The following IL4I1 variants were observed in gnomAD, a reference collection of about 807,000 sequenced individuals.
The protein encoded by IL4I1 is L-amino-acid oxidase.
In IL4I1, 24 loss-of-function variants were observed where a neutral mutation model predicts 29.7. The observed-to-expected ratio is 0.81, with a 90% CI of 0.59 to 1.14. The LOEUF is 1.14. Among genes scored for constraint, IL4I1 ranks in the 50% most tolerant of loss-of-function variants. The pLI, the probability that IL4I1 is intolerant of heterozygous loss-of-function variation, is 0.00. For missense variants in IL4I1, 686 were observed against 785.6 expected, an observed-to-expected ratio of 0.87 and a Z score of 1.52; for synonymous variants, 371 against 352.5, an observed-to-expected ratio of 1.05 and a Z score of -0.59.
intron 2 of IL4I1, among the ~76,000 whole-genome samples, chr19:49,910,617 T>C (rs1281564502): frequency 4.0e-5 from 6 of 151,146 alleles, no homozygotes; most frequent in Non-Finnish European, 8.8e-5. Flanking sequence ...CCTGTAGGTG[T>C]GGTGTGGAGG....
chr19:49,901,582 A>C (rs2075272285), upstream of IL4I1: 8 of 1,247,838 alleles, frequency 6.4e-6, no homozygotes, highest in Non-Finnish European at 8.7e-6. Flanking sequence ...CCCCCTTCCC[A>C]TGGAACCCTC....
intron 2 of IL4I1, among the ~76,000 whole-genome samples, chr19:49,924,776 C>G (rs1457757173): frequency 6.6e-6 from 1 of 152,206 alleles, no homozygotes; most frequent in Non-Finnish European, 1.5e-5. Flanking sequence ...AGGGTGCCAA[C>G]TGGCACCCAC....
At chr19:49,897,220 T>A (rs1297837963), upstream of IL4I1, among the ~76,000 whole-genome samples, 3 of 152,210 alleles carry the variant, frequency 2.0e-5, no homozygotes, top group Non-Finnish European at 4.4e-5. Context: ...GCCTCCTTGA[T>A]TCCCACGGGG....
At chr19:49,925,153 C>T (rs571427378) in intron 2 of IL4I1, among the ~76,000 whole-genome samples, 6 of 151,976 alleles carry the variant, frequency 3.9e-5, no homozygotes, top group East Asian at 3.9e-4. Flanking sequence ...CCTAGCTACT[C>T]GGGAGGCTGA....
At chr19:49,926,277 C>T (rs989971270) in intron 2 of IL4I1, among the ~76,000 whole-genome samples, 2 of 147,598 alleles carry the variant, frequency 1.4e-5, no homozygotes, top group South Asian at 2.1e-4. Context: ...GCCTGTAAAT[C>T]CCAGCATTTT....
intron 2 of IL4I1, among the ~76,000 whole-genome samples, chr19:49,926,781 G>A (rs1420373197): frequency 6.6e-6 from 1 of 151,728 alleles, no homozygotes; most frequent in Non-Finnish European, 1.5e-5. Flanking sequence ...CACCTACTGT[G>A]TCCCAGGCGT....
chr19:49,924,794 G>T (rs552764881), intron 2 of IL4I1, among the ~76,000 whole-genome samples: 1 of 152,334 alleles, frequency 6.6e-6, no homozygotes, highest in East Asian at 1.9e-4. Flanking sequence ...CACTCACCCT[G>T]AGTCCAGCTG....
rs777762628 is a variant in IL4I1 at position 49,895,768 on chromosome 19, C to G, written c.252+47G>C. On this transcript the variant is annotated intron_variant, in intron 3 of 7. Coordinates refer to ENST00000391826, the MANE Select transcript of IL4I1 (RefSeq NM_152899.2). ...GTGTCCCTGTGCCCAGGGACTCCAGCCTGCAGCAGGAGGGACTCCAGGTAG... is the reference window on the plus strand; with the variant it reads ...GTGTCCCTGTGCCCAGGGACTCCAGGCTGCAGCAGGAGGGACTCCAGGTAG... 7.5e-6 allele frequency: 12 copies of G among 1,590,312 alleles called. No individual in the cohort carries two copies. In the South Asian group the frequency reaches 1.3e-4, roughly 18 times the overall value.
At chr19:49,916,392 C>T (rs1243936903) in intron 2 of IL4I1, among the ~76,000 whole-genome samples, 5 of 144,294 alleles carry the variant, frequency 3.5e-5, no homozygotes, top group South Asian at 2.2e-4. Context: ...CTCGCTCTGT[C>T]GCCCAGGCTG....
chr19:49,905,745 C>T (rs533731082), intron 2 of IL4I1, among the ~76,000 whole-genome samples: 6 of 152,204 alleles, frequency 3.9e-5, no homozygotes, highest in Non-Finnish European at 5.9e-5. Context: ...TACAGGCGCC[C>T]GCCACTTAAC....
chr19:49,903,293 G>A (rs988289689), intron 3 of IL4I1, among the ~76,000 whole-genome samples: 3 of 152,170 alleles, frequency 2.0e-5, no homozygotes, highest in Non-Finnish European at 1.5e-5. Context: ...TCACGGCAGC[G>A]CACCCGGTCT....
chr19:49,916,508 T>G (rs2075627499), intron 2 of IL4I1, among the ~76,000 whole-genome samples: 1 of 151,776 alleles, frequency 6.6e-6, no homozygotes, highest in Non-Finnish European at 1.5e-5. Flanking sequence ...GCGCGGTGGC[T>G]CACGCCTGTA....
chr19:49,919,678 T>C (rs1568716757), intron 2 of IL4I1, among the ~76,000 whole-genome samples: 1 of 152,204 alleles, frequency 6.6e-6, no homozygotes, highest in Non-Finnish European at 1.5e-5. Flanking sequence ...AAAGGAGCTC[T>C]GGTCGCAGGA....
In IL4I1 at chr19:49,896,051, G is replaced by C. The variant is rs2075204227; in HGVS notation, c.16C>G (p.Leu6Val). 1 of 1,613,594 alleles carries C rather than the reference G, an allele frequency of 6.2e-7. No homozygotes were observed. Among genetic ancestry groups the C allele is most frequent in the African/African-American group, 1.3e-5 (1 of 74,920 alleles). The change falls in exon 3 of 8, where the codon CTG becomes GTG. Residue 6 changes from leucine to valine, a missense_variant and splice_region_variant. Leu to Val is a conservative substitution (Grantham distance 32, BLOSUM62 1). Transcript: ENST00000391826. MAPLALHLLVLVPILL... is the reference protein window; with the variant it reads MAPLAVHLLVLVPILL... ...ATGGGGACGAGGACGAGGAGGTGCA[G>C]GGCTGGGAGGAGGAGGACAGGGTCA... is the stretch of plus-strand genomic sequence containing the variant.
In IL4I1 at chr19:49,893,391, C is replaced by T. The variant is rs115679724; in HGVS notation, c.567+877G>A. ...GGGCACTGATGGTGGGGGAGGTGGG[C>T]GAGGAGGAGGTCAGGAGGAGGATGG... On this transcript the variant is annotated intron_variant, in intron 5 of 7. Coordinates refer to ENST00000391826, the MANE Select transcript of IL4I1 (RefSeq NM_152899.2). Among the ~76,000 whole-genome samples the T allele has an allele frequency of 5.0e-3, 757 of 150,482 alleles. 6 individuals are homozygous for T. Among genetic ancestry groups the T allele is most frequent in the African/African-American group, 0.017 (681 of 40,850 alleles).
In IL4I1 at chr19:49,889,913, G is replaced by A. The variant is rs2075107050; in HGVS notation, c.1461C>T (p.His487=). The stretch of plus-strand genomic sequence containing the variant: ...ACTTGACCGCCGTCTCCACCCAGCC[G>A]TGCGGGTAGGCGGTGTGCTCGCCGG... ...YFAGEHTAYP[H]GWVETAVKSA... Residue 487 remains histidine, a synonymous_variant, in exon 8 of 8, where the codon CAC becomes CAT. Coordinates refer to ENST00000391826, the MANE Select transcript of IL4I1 (RefSeq NM_152899.2). The A allele has an allele frequency of 6.2e-7, 1 of 1,609,190 alleles. No homozygotes were observed. Among genetic ancestry groups the A allele is most frequent in the Non-Finnish European group, 8.5e-7 (1 of 1,178,012 alleles).
chr19:49,908,333 G>A (rs751050876), intron 2 of IL4I1: 6 of 1,613,960 alleles, frequency 3.7e-6, no homozygotes, highest in Non-Finnish European at 5.1e-6. Flanking sequence ...CAGCAGGGCC[G>A]AGTTCTGGTC....
At chr19:49,890,688 C>G in intron 7 of IL4I1, 88 bp from the exon 8 acceptor site, 5 of 1,038,234 alleles carry the variant, frequency 4.8e-6, no homozygotes. Context: ...CGGCAGCTGG[C>G]CCTTATGGGC....
upstream of IL4I1, among the ~76,000 whole-genome samples, chr19:49,901,377 C>T (rs1259393991): frequency 6.6e-6 from 1 of 152,192 alleles, no homozygotes; most frequent in Non-Finnish European, 1.5e-5. Context: ...GAGCGAGACT[C>T]TGTCTCAAAA....
Sources: gnomAD v4.1 joint callset for allele counts (sites outside exome capture counted in the v4.1 genomes callset) on GRCh38, gnomAD v4.1.1 for gene constraint, MANE v1.5 for transcripts, NCBI Gene and HGNC (gene_info 2026-07-23, HGNC 2026-07-21) for gene names.